The following ZRANB3 variants were observed in gnomAD, a reference collection of about 807,000 sequenced individuals.
ZRANB3 encodes the protein zinc finger RANBP2-type containing 3.
ZRANB3 carries 125 observed loss-of-function variants against 133.8 expected under a neutral mutation model. That is an observed-to-expected ratio of 0.93 (90% CI 0.81 to 1.08). ZRANB3 has a LOEUF of 1.08. Among genes scored for constraint, ZRANB3 ranks in the 50% least tolerant of loss-of-function variants. The probability of loss-of-function intolerance (pLI) is 0.00; values close to 1 mark genes in which losing one functional copy is unlikely to be tolerated. For missense variants in ZRANB3, 1,229 were observed against 1,275.5 expected (o/e 0.96, Z 0.56); for synonymous variants, 387 against 432.7 (o/e 0.89, Z 1.31).
chr2:135,513,130 A>G (rs571308133), intron 1 of ZRANB3, among the ~76,000 whole-genome samples: 2 of 152,344 alleles, frequency 1.3e-5, no homozygotes, highest in South Asian at 4.1e-4. Context: ...TAATTAAAAG[A>G]CTAAGACACC....
chr2:135,363,053 G>A (rs542214700), intron 3 of ZRANB3, among the ~76,000 whole-genome samples: 2 of 152,236 alleles, frequency 1.3e-5, no homozygotes, highest in African/African-American at 4.8e-5. Context: ...GCTCTACAAC[G>A]TAGTAGCAGT....
At chr2:135,398,686 T>A (rs1268197263) in intron 2 of ZRANB3, among the ~76,000 whole-genome samples, 1 of 134,666 alleles carries the variant, frequency 7.4e-6, no homozygotes, top group African/African-American at 2.7e-5. Flanking sequence ...GCCCAGCTAA[T>A]TTTTTTTTTT....
At chr2:135,479,975 C>T (rs1425779367) in intron 2 of ZRANB3, among the ~76,000 whole-genome samples, 1 of 151,568 alleles carries the variant, frequency 6.6e-6, no homozygotes, top group Non-Finnish European at 1.5e-5. Flanking sequence ...GCTCTGTCAC[C>T]CAGGCTGGAG....
At chr2:135,450,950 C>A (rs1266990004) in intron 2 of ZRANB3, among the ~76,000 whole-genome samples, 2 of 152,152 alleles carry the variant, frequency 1.3e-5, no homozygotes, top group Non-Finnish European at 2.9e-5. Context: ...TGCCAGTGAG[C>A]AAACTACCAA....
chr2:135,433,665 A>C (rs1310289440), intron 2 of ZRANB3, among the ~76,000 whole-genome samples: 1 of 152,130 alleles, frequency 6.6e-6, no homozygotes, highest in African/African-American at 2.4e-5. Context: ...CAGTCTGGCC[A>C]ACATGGCAAA....
At chr2:135,432,965 A>G (rs116667132) in intron 2 of ZRANB3, among the ~76,000 whole-genome samples, 79 of 152,350 alleles carry the variant, frequency 5.2e-4, no homozygotes, top group African/African-American at 1.9e-3. Context: ...AGGACGAGCT[A>G]GACTGAAGTG....
At chr2:135,375,908 T>C (rs1299848967) in intron 3 of ZRANB3, among the ~76,000 whole-genome samples, 1 of 152,078 alleles carries the variant, frequency 6.6e-6, no homozygotes, top group Non-Finnish European at 1.5e-5. Flanking sequence ...ATTGGGTAAC[T>C]CTCTCCCAAA....
chr2:135,331,360 A>C (rs1684130509), intron 6 of ZRANB3, among the ~76,000 whole-genome samples: 1 of 152,168 alleles, frequency 6.6e-6, no homozygotes, highest in South Asian at 2.1e-4. Flanking sequence ...GTTTCCATGT[A>C]GTTGTGCAGT....
At chr2:135,387,351 C>T (rs1171839515) in intron 3 of ZRANB3, among the ~76,000 whole-genome samples, 1 of 152,076 alleles carries the variant, frequency 6.6e-6, no homozygotes, top group African/African-American at 2.4e-5. Context: ...AGAAGGAAAA[C>T]CATATTAGAA....
At chr2:135,255,578 G>A (rs1679612300) in intron 12 of ZRANB3, among the ~76,000 whole-genome samples, 1 of 152,170 alleles carries the variant, frequency 6.6e-6, no homozygotes. Flanking sequence ...GCCAGGTGCA[G>A]TGGCTAACGC....
rs1294485566 is a variant in ZRANB3 at position 135,230,430 on chromosome 2, A to G, written c.1954+83T>C. On this transcript the variant is annotated intron_variant, in intron 13 of 20. Transcript: ENST00000264159. ...TTGTGCTGAGTCACACTAACCCTGGATAACAGCAGTCTCTAAAAGCACAGG... is the reference window on the plus strand; with the variant it reads ...TTGTGCTGAGTCACACTAACCCTGGGTAACAGCAGTCTCTAAAAGCACAGG... The G allele has an allele frequency of 6.9e-6, 9 of 1,301,176 alleles. No individual in the cohort carries two copies. In the Admixed American group the frequency reaches 2.6e-4, roughly 38 times the overall value. 80.6% of individuals were successfully genotyped at this position (1,301,176 alleles called of 1,614,324 possible).
At position 135,498,065 on chromosome 2, in the gene ZRANB3, T is replaced by TAATAAATA. The variant is rs146727358; in HGVS notation, c.161+6256_161+6263dup. Among the ~76,000 whole-genome samples the TAATAAATA allele has an allele frequency of 5.8e-4, 87 of 149,560 alleles. 1 individual carries two copies. The highest frequency in any genetic ancestry group is 1.6e-3 in the African/African-American group (63 of 40,568). On this transcript the variant is annotated intron_variant, in intron 2 of 20. Coordinates refer to ENST00000264159, the MANE Select transcript of ZRANB3 (RefSeq NM_032143.4). ...GACTCTGTCTCTAAAAAATAATAAA[T>TAATAAATA]AATAAATAAATAAATAAATAAATAA...
intron 1 of ZRANB3, among the ~76,000 whole-genome samples, chr2:135,505,150 A>G (rs535692050): frequency 7.9e-5 from 12 of 152,284 alleles, no homozygotes; most frequent in Admixed American, 3.9e-4. Context: ...AAAATGTCAT[A>G]TATCTGTAAA....
At chr2:135,438,535 G>A (rs1689646108) in intron 2 of ZRANB3, among the ~76,000 whole-genome samples, 1 of 149,792 alleles carries the variant, frequency 6.7e-6, no homozygotes, top group Non-Finnish European at 1.5e-5. Context: ...ATTGTTAATT[G>A]TATTTCCTGG....
At position 135,313,746 on chromosome 2, in the gene ZRANB3, T is replaced by C. The variant is rs975151982; in HGVS notation, c.850-141A>G. On this transcript the variant is annotated intron_variant, in intron 7 of 20. Coordinates refer to ENST00000264159, the MANE Select transcript of ZRANB3 (RefSeq NM_032143.4). ...GAAAATCCCCAAAGATTCCAACATGTTCATTTAAAAACATCAATGCAGAGG... is the reference window on the plus strand; with the variant it reads ...GAAAATCCCCAAAGATTCCAACATGCTCATTTAAAAACATCAATGCAGAGG... 7.7e-6 allele frequency: 4 copies of C among 522,844 alleles called. No homozygotes were observed. In the Admixed American group the frequency reaches 1.5e-4, roughly 19 times the overall value. 32.4% of individuals were successfully genotyped at this position (522,844 alleles called of 1,614,324 possible). A position where few individuals can be genotyped will look rare whatever the true frequency, so the allele number is the denominator to read the frequency against.
chr2:135,271,845 T>A lies in ZRANB3; in HGVS notation c.1129A>T (p.Arg377Ter). 6.2e-7 allele frequency: 1 copy of A among 1,613,748 alleles called. No individual in the cohort carries two copies. The highest frequency in any genetic ancestry group is 8.5e-7 in the Non-Finnish European group (1 of 1,179,786). The change falls in exon 10 of 21, where the codon AGA (arginine) becomes TGA (stop). Residue 377 changes from arginine (R) to a stop codon, truncating the protein, a stop_gained. Coordinates refer to ENST00000264159, the MANE Select transcript of ZRANB3 (RefSeq NM_032143.4). LOFTEE classifies it high-confidence loss of function. ...TGAAACTGATTAACCAGATGTATTC[T>A]TTCTGAAGATGAAACACTTCCATCT... ...RIDGSVSSSE[R>*]IHLVNQFQKD...
At chr2:135,211,189 A>G (rs1694084232) in intron 17 of ZRANB3, among the ~76,000 whole-genome samples, 1 of 152,218 alleles carries the variant, frequency 6.6e-6, no homozygotes, top group African/African-American at 2.4e-5. Context: ...CATTAACAGT[A>G]TATTCACAAG....
At chr2:135,253,300 G>A (rs951847955) in intron 12 of ZRANB3, among the ~76,000 whole-genome samples, 2 of 152,100 alleles carry the variant, frequency 1.3e-5, no homozygotes, top group African/African-American at 4.8e-5. Context: ...TGCCTCCTGG[G>A]GGAACAGTAA....
chr2:135,358,945 C>T (rs991489853), intron 3 of ZRANB3, among the ~76,000 whole-genome samples: 5 of 151,800 alleles, frequency 3.3e-5, no homozygotes, highest in African/African-American at 1.2e-4. Context: ...ACCCCATAAG[C>T]CCAATAAGAG....
Sources: gnomAD v4.1 joint callset for allele counts (sites outside exome capture counted in the v4.1 genomes callset) on GRCh38, gnomAD v4.1.1 for gene constraint, MANE v1.5 for transcripts, NCBI Gene and HGNC (gene_info 2026-07-23, HGNC 2026-07-21) for gene names.